The following WDR88 variants were observed in gnomAD, a reference collection of about 807,000 sequenced individuals.
The protein encoded by WDR88 is WD repeat-containing protein 88.
Under a neutral mutation model 46.8 loss-of-function variants are expected in WDR88, and 40 were observed. The ratio of observed to expected loss-of-function variants is 0.86; its 90% CI spans 0.66 to 1.11. The LOEUF is 1.11. Ranked by LOEUF, WDR88 falls within the 50% of genes most tolerant of loss-of-function variation. The pLI, the probability that WDR88 is intolerant of heterozygous loss-of-function variation, is 0.00. For synonymous variants in WDR88, 235 were observed against 240.7 expected (o/e 0.98, Z 0.22); for missense variants, 562 against 602.4 (o/e 0.93, Z 0.70).
At chr19:33,168,229 T>C (rs1331116908) in intron 9 of WDR88, among the ~76,000 whole-genome samples, 3 of 151,998 alleles carry the variant, frequency 2.0e-5, no homozygotes, top group Admixed American at 6.6e-5. Context: ...GGTTTCACCA[T>C]GTTGGCAAGG....
chr19:33,152,386 A>C (rs1322053065), intron 6 of WDR88, among the ~76,000 whole-genome samples: 2 of 152,054 alleles, frequency 1.3e-5, no homozygotes, highest in Non-Finnish European at 2.9e-5. Context: ...CTCAGACAGA[A>C]GCTCTTACCC....
intron 7 of WDR88, among the ~76,000 whole-genome samples, chr19:33,157,105 G>A (rs547943224): frequency 7.2e-4 from 110 of 152,200 alleles, no homozygotes; most frequent in Admixed American, 3.2e-3. Context: ...GCTGAGGTGG[G>A]AGGATCACTT....
At chr19:33,155,358 G>A (rs1973714487) in intron 6 of WDR88, among the ~76,000 whole-genome samples, 1 of 152,106 alleles carries the variant, frequency 6.6e-6, no homozygotes, top group Non-Finnish European at 1.5e-5. Flanking sequence ...CCAGGCTGGT[G>A]TCAAAATCCT....
rs563510920 is a variant in WDR88 at position 33,163,842 on chromosome 19, C to T, written c.1081-355C>T. Among the ~76,000 whole-genome samples, 51 of 152,116 alleles carry T rather than the reference C, an allele frequency of 3.4e-4. 1 individual carries two copies. In the South Asian group the frequency reaches 8.9e-3, roughly 27 times the overall value. ...AGAGATGGGGTTTCACTATGTTGCC[C>T]GGGCTGGTCTCAAACTCCTAGACTC... On this transcript the variant is annotated intron_variant, in intron 8 of 10. Coordinates refer to ENST00000355868, the MANE Select transcript of WDR88 (RefSeq NM_173479.4).
chr19:33,175,046 C>A, intron 10 of WDR88: 1 of 970,814 alleles, frequency 1.0e-6, no homozygotes, highest in East Asian at 1.1e-4. Flanking sequence ...ACCAGCCTGG[C>A]CAACATGGAG....
chr19:33,152,156 C>T (rs1056657843), intron 6 of WDR88, among the ~76,000 whole-genome samples: 5 of 151,734 alleles, frequency 3.3e-5, no homozygotes, highest in South Asian at 4.2e-4. Context: ...AGCTTGAATC[C>T]GGGAGGTGGA....
intron 10 of WDR88, among the ~76,000 whole-genome samples, chr19:33,172,827 C>T (rs1974060084): frequency 6.6e-6 from 1 of 151,954 alleles, no homozygotes; most frequent in Non-Finnish European, 1.5e-5. Flanking sequence ...CGGTGTTTCA[C>T]GCCTGTAATC....
At chr19:33,163,189 CG>C (rs1255766755) in intron 8 of WDR88, among the ~76,000 whole-genome samples, 1 of 151,414 alleles carries the variant, frequency 6.6e-6, no homozygotes, top group Non-Finnish European at 1.5e-5. Context: ...AAAAATTAGC[CG>C]GGTGTGGTGG....
chr19:33,167,768 C>T (rs1008676445), intron 9 of WDR88, among the ~76,000 whole-genome samples: 4 of 151,160 alleles, frequency 2.6e-5, no homozygotes, highest in Admixed American at 1.3e-4. Flanking sequence ...CCTCCTCTCT[C>T]CTCTCCTCTC....
Position 33,157,553 on chromosome 19 carries a change from G to GTA in WDR88, c.997+1021_997+1022dup, listed in dbSNP as rs541029762. Among the ~76,000 whole-genome samples, 447 of 140,056 alleles carry GTA rather than the reference G, an allele frequency of 3.2e-3. 2 individuals carry two copies. The highest frequency in any genetic ancestry group is 0.011 in the African/African-American group (400 of 36,774). 91.9% of individuals were successfully genotyped at this position (140,056 alleles called of 152,430 possible). On this transcript the variant is annotated intron_variant, in intron 7 of 10. Coordinates refer to ENST00000355868, the MANE Select transcript of WDR88 (RefSeq NM_173479.4). Reference sequence around the variant, plus strand: ...TATATATATATATGTATATATATGTGTATATATATATGTATATATGTGTAT... The same window carrying GTA: ...TATATATATATATGTATATATATGTGTATATATATATATGTATATATGTGTAT...
intron 10 of WDR88, chr19:33,174,420 A>C: frequency 7.2e-7 from 1 of 1,386,684 alleles, no homozygotes; most frequent in Non-Finnish European, 9.4e-7. Flanking sequence ...CCAGGGGACC[A>C]TGCATGGTGG....
chr19:33,171,845 C>T (rs565952930), intron 9 of WDR88, among the ~76,000 whole-genome samples: 1 of 152,306 alleles, frequency 6.6e-6, no homozygotes, highest in South Asian at 2.1e-4. Context: ...GCGATCTTGG[C>T]TCACTGCAAC....
chr19:33,154,288 C>A (rs1416821505), intron 6 of WDR88, among the ~76,000 whole-genome samples: 2 of 152,028 alleles, frequency 1.3e-5, no homozygotes, highest in African/African-American at 4.8e-5. Flanking sequence ...ACATGTGCCA[C>A]GGTGGTTTGC....
intron 5 of WDR88, among the ~76,000 whole-genome samples, chr19:33,149,885 C>G (rs1289857330): frequency 2.6e-5 from 4 of 151,968 alleles, no homozygotes; most frequent in Non-Finnish European, 5.9e-5. Flanking sequence ...GTCTCGAGCT[C>G]CTGACCTCAG....
intron 2 of WDR88, among the ~76,000 whole-genome samples, chr19:33,142,201 A>G (rs1050748349): frequency 6.6e-6 from 1 of 151,948 alleles, no homozygotes; most frequent in Non-Finnish European, 1.5e-5. Context: ...GGTCTCAAGG[A>G]GCCAGCAGGG....
intron 7 of WDR88, among the ~76,000 whole-genome samples, chr19:33,159,430 G>A (rs769041911): frequency 5.3e-5 from 8 of 152,076 alleles, no homozygotes; most frequent in East Asian, 1.9e-4. Context: ...GCTGTTTGCC[G>A]TTCCTAAGCG....
At chr19:33,166,365 A>G (rs1400266915) in intron 9 of WDR88, among the ~76,000 whole-genome samples, 2 of 150,562 alleles carry the variant, frequency 1.3e-5, no homozygotes, top group African/African-American at 4.9e-5. Flanking sequence ...CAAGGCAGGC[A>G]GATAGCTTGA....
At chr19:33,138,640 C>T (rs1379933460) in intron 2 of WDR88, among the ~76,000 whole-genome samples, 2 of 151,776 alleles carry the variant, frequency 1.3e-5, no homozygotes, top group African/African-American at 4.8e-5. Flanking sequence ...AGCCACCGTG[C>T]CTGGCCCCCA....
chr19:33,160,221 A>G (rs1193275537), intron 7 of WDR88, among the ~76,000 whole-genome samples, 193 bp from the exon 8 acceptor site: 2 of 152,162 alleles, frequency 1.3e-5, no homozygotes, highest in South Asian at 2.1e-4. Flanking sequence ...GACCCCTGTC[A>G]TAGAACATGA....
Sources: allele counts gnomAD v4.1 joint callset (sites outside exome capture counted in the v4.1 genomes callset), GRCh38; gene constraint gnomAD v4.1.1; transcripts MANE v1.5; gene names NCBI Gene and HGNC (gene_info 2026-07-23, HGNC 2026-07-21).